The following MINDY4 variants were observed in gnomAD, a reference collection of about 807,000 sequenced individuals.
MINDY4 encodes the protein MINDY lysine 48 deubiquitinase 4.
Under a neutral mutation model 87.0 loss-of-function variants are expected in MINDY4, and 68 were observed. The observed-to-expected ratio is 0.78, with a 90% CI of 0.64 to 0.96. The LOEUF is 0.96. MINDY4 is among the 40% of genes least tolerant of loss of function. The probability of loss-of-function intolerance (pLI) is 0.00; values close to 1 mark genes in which losing one functional copy is unlikely to be tolerated. For synonymous variants in MINDY4, 379 were observed against 363.2 expected (o/e 1.04, Z -0.50); for missense variants, 919 against 928.2 (o/e 0.99, Z 0.13).
chr7:30,839,436 G>A (rs1420009129), intron 8 of MINDY4, 120 bp downstream of exon 8: 2 of 596,680 alleles, frequency 3.4e-6, no homozygotes, highest in African/African-American at 3.8e-5. Flanking sequence ...GGACCAGCCA[G>A]CCCCACATGT....
intron 1 of MINDY4, among the ~76,000 whole-genome samples, chr7:30,775,043 A>G (rs193098965): frequency 1.3e-5 from 2 of 152,244 alleles, no homozygotes; most frequent in Admixed American, 6.5e-5. Context: ...CATGTCTCTG[A>G]TAGTGTTTCT....
At chr7:30,857,887 A>C (rs1335333948) in intron 12 of MINDY4, 3 of 152,284 alleles carry the variant, frequency 2.0e-5, no homozygotes, top group African/African-American at 7.2e-5. Context: ...TTTGAGGAAA[A>C]GAAAAGGTAA....
chr7:30,844,391 T>C lies in MINDY4; in HGVS notation c.1445+3543T>C, dbSNP rs151108936. 5.4e-3 allele frequency among the ~76,000 whole-genome samples: 816 copies of C among 152,260 alleles called. 9 individuals are homozygous for C. The highest frequency in any genetic ancestry group is 0.018 in the African/African-American group (768 of 41,558). ...GCAAGGACTCGCCTCCTCCTGGTGA[T>C]GGGCCCTGGGCAGCAGGCACCAGAT... On this transcript the variant is annotated intron_variant, in intron 9 of 17. Transcript: ENST00000265299.
At chr7:30,869,159 GC>G (rs1181865722) in intron 13 of MINDY4, among the ~76,000 whole-genome samples, 1 of 152,194 alleles carries the variant, frequency 6.6e-6, no homozygotes, top group Non-Finnish European at 1.5e-5. Flanking sequence ...GGGTCATCCA[GC>G]CCCCAGGAGG....
chr7:30,846,572 G>A (rs961100800), intron 9 of MINDY4, among the ~76,000 whole-genome samples: 4 of 152,198 alleles, frequency 2.6e-5, no homozygotes, highest in Non-Finnish European at 4.4e-5. Context: ...CAGTGAAGGC[G>A]TGCGCTGAGC....
intron 6 of MINDY4, among the ~76,000 whole-genome samples, chr7:30,830,288 A>G (rs1477456501): frequency 2.6e-5 from 4 of 152,314 alleles, no homozygotes; most frequent in Non-Finnish European, 5.9e-5. Context: ...GGGTAGGACA[A>G]AGGAAGAGAG....
intron 5 of MINDY4, among the ~76,000 whole-genome samples, chr7:30,803,710 A>T (rs1787727273): frequency 6.6e-6 from 1 of 152,192 alleles, no homozygotes; most frequent in Middle Eastern, 3.4e-3. Flanking sequence ...TAGGGGGGAA[A>T]GTTTGCTGGT....
chr7:30,780,840 A>C (rs1786990867), intron 2 of MINDY4: 1 of 152,278 alleles, frequency 6.6e-6, no homozygotes, highest in Non-Finnish European at 1.5e-5. Context: ...AAAAGCAAGA[A>C]GGCTACAATA....
intron 4 of MINDY4, chr7:30,786,460 C>T (rs1002163846): frequency 6.3e-6 from 1 of 159,854 alleles, no homozygotes; most frequent in Non-Finnish European, 1.4e-5. Context: ...CGCCCCATCT[C>T]TACAAAAAAT....
At chr7:30,827,157 G>C (rs1788539598) in intron 5 of MINDY4, among the ~76,000 whole-genome samples, 1 of 152,172 alleles carries the variant, frequency 6.6e-6, no homozygotes, top group Non-Finnish European at 1.5e-5. Context: ...TTGGATGCAG[G>C]ATGTTGGAGA....
chr7:30,781,789 T>G, intron 2 of MINDY4, 188 bp from the exon 3 acceptor site: 1 of 560,156 alleles, frequency 1.8e-6, no homozygotes, highest in Non-Finnish European at 3.1e-6. Flanking sequence ...ATTTTGTTTT[T>G]GTCTCTGTGT....
chr7:30,837,709 A>G (rs1358764122), intron 7 of MINDY4, among the ~76,000 whole-genome samples: 1 of 152,136 alleles, frequency 6.6e-6, no homozygotes, highest in African/African-American at 2.4e-5. Flanking sequence ...GCTCCTAAAG[A>G]CTATGCAGCA....
chr7:30,816,829 C>T (rs1168162667), intron 5 of MINDY4, among the ~76,000 whole-genome samples: 1 of 152,102 alleles, frequency 6.6e-6, no homozygotes, highest in Admixed American at 6.5e-5. Context: ...AATGTCAGGC[C>T]AGCAATTCTA....
chr7:30,825,575 C>T (rs987471317), intron 5 of MINDY4, among the ~76,000 whole-genome samples: 1 of 152,206 alleles, frequency 6.6e-6, no homozygotes, highest in African/African-American at 2.4e-5. Context: ...AAAATAGAGG[C>T]AAGACCAAAG....
intron 10 of MINDY4, 109 bp from the exon 11 acceptor site, chr7:30,852,107 A>G: frequency 7.9e-7 from 1 of 1,270,218 alleles, no homozygotes. Flanking sequence ...TTCTCTCTGG[A>G]GCCACCTTCT....
chr7:30,833,209 A>G (rs556326632), intron 6 of MINDY4, among the ~76,000 whole-genome samples: 97 of 152,332 alleles, frequency 6.4e-4, no homozygotes, highest in African/African-American at 2.1e-3. Flanking sequence ...CGCTGCTGAT[A>G]AAAACATACC....
At chr7:30,825,612 G>A (rs147334661) in intron 5 of MINDY4, among the ~76,000 whole-genome samples, 3 of 152,328 alleles carry the variant, frequency 2.0e-5, no homozygotes, top group Non-Finnish European at 2.9e-5. Context: ...AGCAGCCTGG[G>A]TTTGAATCCT....
intron 5 of MINDY4, among the ~76,000 whole-genome samples, chr7:30,827,942 A>G (rs1788567166): frequency 6.6e-6 from 1 of 152,202 alleles, no homozygotes; most frequent in Admixed American, 6.5e-5. Context: ...TCAGAGAGTG[A>G]TGTAATATTG....
chr7:30,808,042 G>A (rs1249774379), intron 5 of MINDY4, among the ~76,000 whole-genome samples: 1 of 152,230 alleles, frequency 6.6e-6, no homozygotes, highest in East Asian at 1.9e-4. Flanking sequence ...GGACGGTCAA[G>A]GCAGCCCCTT....
Sources: gnomAD v4.1 joint callset for allele counts (sites outside exome capture counted in the v4.1 genomes callset) on GRCh38, gnomAD v4.1.1 for gene constraint, MANE v1.5 for transcripts, NCBI Gene and HGNC (gene_info 2026-07-23, HGNC 2026-07-21) for gene names.